The following CDC42 variants were observed in gnomAD, a reference collection of about 807,000 sequenced individuals.
The protein encoded by CDC42 is cell division cycle 42, also known as cell division control protein 42 homolog.
A neutral mutation model predicts 20.8 loss-of-function variants in CDC42; 1 was observed. That is an observed-to-expected ratio of 0.05 (90% CI 0.02 to 0.23). The LOEUF (loss-of-function observed/expected upper bound fraction) is 0.23. Among genes scored for constraint, CDC42 ranks in the 10% least tolerant of loss-of-function variants. The probability of loss-of-function intolerance (pLI) is 1.00; values close to 1 mark genes in which losing one functional copy is unlikely to be tolerated. For synonymous variants in CDC42, 72 were observed against 84.8 expected, an observed-to-expected ratio of 0.85 and a Z score of 0.83; for missense variants, 49 against 227.9, an observed-to-expected ratio of 0.21 and a Z score of 5.05.
chr1:22,063,797 T>C (rs1354062642), intron 1 of CDC42, among the ~76,000 whole-genome samples: 1 of 152,214 alleles, frequency 6.6e-6, no homozygotes, highest in Non-Finnish European at 1.5e-5. Flanking sequence ...CATGGCTCAC[T>C]GGAACCTTCG....
At chr1:22,070,549 C>T (rs917690134) in intron 1 of CDC42, among the ~76,000 whole-genome samples, 11 of 136,608 alleles carry the variant, frequency 8.1e-5, no homozygotes, top group Admixed American at 1.7e-4. Flanking sequence ...CTACAAGCTC[C>T]GCCTCCTAGG....
Position 22,081,741 on chromosome 1 carries a change from TCA to T in CDC42, c.128_129del (p.Thr43SerfsTer14). The T allele has an allele frequency of 6.2e-7, 1 of 1,611,714 alleles. No homozygotes were observed. ...TTTTAGGTTTTTGACAACTATGCAG[TCA>T]CAGTTATGATTGGTGGAGAACCATA... is the stretch of plus-strand genomic sequence containing the variant. On this transcript the variant is annotated frameshift_variant, in exon 3 of 6. Coordinates refer to ENST00000656825, the MANE Select transcript of CDC42 (RefSeq NM_001791.4). LOFTEE classifies it high-confidence loss of function.
chr1:22,088,211 A>G (rs937859257), intron 5 of CDC42, among the ~76,000 whole-genome samples: 1 of 152,198 alleles, frequency 6.6e-6, no homozygotes, highest in African/African-American at 2.4e-5. Flanking sequence ...GACAAGGGAA[A>G]GTCATGTGTG....
At chr1:22,069,613 CTTTTTTTTTTTTTT>C (rs56218067) in intron 1 of CDC42, among the ~76,000 whole-genome samples, 1 of 109,766 alleles carries the variant, frequency 9.1e-6, no homozygotes, top group Non-Finnish European at 1.8e-5. Context: ...CATGCCACCA[CTTTTTTTTTTTTTT>C]TTTTTTTTTT....
intron 3 of CDC42, 137 bp downstream of exon 3, chr1:22,081,931 G>T: frequency 1.6e-6 from 1 of 631,446 alleles, no homozygotes; most frequent in East Asian, 2.7e-5. Context: ...TGAATATAAT[G>T]ATTGTCGATG....
At chr1:22,076,693 T>C (rs913958403) in intron 1 of CDC42, among the ~76,000 whole-genome samples, 1 of 152,186 alleles carries the variant, frequency 6.6e-6, no homozygotes, top group Non-Finnish European at 1.5e-5. Context: ...CTTACTATTA[T>C]TATTTGAGTG....
chr1:22,094,292 AGATTTTT>A lies in CDC42; in HGVS notation c.*2776_*2782del, dbSNP rs1166632166. The stretch of plus-strand genomic sequence containing the variant: ...GTGTTTTACTGAACATCCTAGAAAT[AGATTTTT>A]TTTTTTTTTTTTTTTTGAGACGGAG... On this transcript the variant is annotated 3_prime_UTR_variant, in exon 6 of 6. Coordinates refer to ENST00000656825, the MANE Select transcript of CDC42 (RefSeq NM_001791.4). Among the ~76,000 whole-genome samples the A allele has an allele frequency of 3.5e-5, 1 of 28,604 alleles. No individual in the cohort carries two copies. The highest frequency in any genetic ancestry group is 6.3e-5 in the Non-Finnish European group (1 of 15,882). 18.8% of individuals were successfully genotyped at this position (28,604 alleles called of 152,430 possible).
chr1:22,055,794 T>G (rs994795611), intron 1 of CDC42, among the ~76,000 whole-genome samples: 4 of 152,078 alleles, frequency 2.6e-5, no homozygotes, highest in African/African-American at 9.7e-5. Context: ...CTGACAGGCT[T>G]TCTTGGAAGT....
chr1:22,056,114 A>G (rs919945414), intron 1 of CDC42, among the ~76,000 whole-genome samples: 3 of 152,214 alleles, frequency 2.0e-5, no homozygotes, highest in Non-Finnish European at 4.4e-5. Flanking sequence ...TGGTCACCCC[A>G]TTGCTAATGC....
At chr1:22,086,387 G>T in intron 3 of CDC42, 52 bp from the exon 4 acceptor site, 2 of 1,217,102 alleles carry the variant, frequency 1.6e-6, no homozygotes, top group South Asian at 2.7e-5. Flanking sequence ...AACACTTTGA[G>T]GACACCAAGA....
chr1:22,091,401 C>A, intron 5 of CDC42, 27 bp from the exon 6 acceptor site: 1 of 1,434,794 alleles, frequency 7.0e-7, no homozygotes, highest in Non-Finnish European at 9.8e-7. Flanking sequence ...ATCAGACCGC[C>A]CATTTTTTCT....
At chr1:22,053,570 G>A (rs1240967526) in intron 1 of CDC42, 1 of 152,176 alleles carries the variant, frequency 6.6e-6, no homozygotes, top group African/African-American at 2.4e-5. Flanking sequence ...TTATCGGGGG[G>A]GAATTTTCTT....
At chr1:22,084,282 A>G (rs965665014) in intron 3 of CDC42, among the ~76,000 whole-genome samples, 2 of 147,276 alleles carry the variant, frequency 1.4e-5, no homozygotes, top group Non-Finnish European at 3.0e-5. Context: ...ATTCCTACCA[A>G]CAGTACGTGG....
Position 22,094,294 on chromosome 1 carries a change from A to T in CDC42, c.*2777A>T, listed in dbSNP as rs1164700865. On this transcript the variant is annotated 3_prime_UTR_variant, in exon 6 of 6. Coordinates refer to ENST00000656825, the MANE Select transcript of CDC42 (RefSeq NM_001791.4). ...GTTTTACTGAACATCCTAGAAATAGATTTTTTTTTTTTTTTTTTTTTGAGA... is the reference window on the plus strand; with the variant it reads ...GTTTTACTGAACATCCTAGAAATAGTTTTTTTTTTTTTTTTTTTTTTGAGA... 1.3e-3 allele frequency among the ~76,000 whole-genome samples: 50 copies of T among 38,290 alleles called. No homozygotes were observed. The highest frequency in any genetic ancestry group is 3.1e-3 in the South Asian group (2 of 644). 25.1% of individuals were successfully genotyped at this position (38,290 alleles called of 152,430 possible).
At chr1:22,053,487 G>C (rs1286256969) in intron 1 of CDC42, 1 of 152,234 alleles carries the variant, frequency 6.6e-6, no homozygotes, top group African/African-American at 2.4e-5. Context: ...TGCCGGTTTA[G>C]CTGAAGCTTC....
At position 22,094,954 on chromosome 1, in the gene CDC42, T is replaced by C. The variant is rs376176674; in HGVS notation, c.*3437T>C. Reference sequence around the variant, plus strand: ...TTGTGAGGTAAATTAGTGGTTATTTTGGTGCTGGGTGCTAAGAAACTCGCA... The same window carrying C: ...TTGTGAGGTAAATTAGTGGTTATTTCGGTGCTGGGTGCTAAGAAACTCGCA... On this transcript the variant is annotated 3_prime_UTR_variant, in exon 6 of 6. Transcript: ENST00000656825. 6.6e-6 allele frequency among the ~76,000 whole-genome samples: 1 copy of C among 152,192 alleles called. No homozygotes were observed. Among genetic ancestry groups the C allele is most frequent in the African/African-American group, 2.4e-5 (1 of 41,448 alleles).
chr1:22,063,547 T>G (rs1645388646), intron 1 of CDC42, among the ~76,000 whole-genome samples: 1 of 152,188 alleles, frequency 6.6e-6, no homozygotes, highest in African/African-American at 2.4e-5. Flanking sequence ...TCCTAACTTG[T>G]GTCCTAATTA....
At chr1:22,064,123 T>G (rs45555232) in intron 1 of CDC42, 1 of 152,266 alleles carries the variant, frequency 6.6e-6, no homozygotes, top group Non-Finnish European at 1.5e-5. Context: ...ATCTCATTGT[T>G]TCTTGATAAA....
Position 22,091,500 on chromosome 1 carries a change from A to G in CDC42, c.559A>G (p.Arg187Gly), listed in dbSNP as rs1645714941. 1 of 1,612,676 alleles carries G rather than the reference A, an allele frequency of 6.2e-7. No individual in the cohort carries two copies. The highest frequency in any genetic ancestry group is 8.5e-7 in the Non-Finnish European group (1 of 1,178,790). Reference protein sequence around the residue: ...LEPPEPKKSRRCVLL With the variant: ...LEPPEPKKSRGCVLL ...GCCTCCAGAACCGAAGAAGAGCCGC[A>G]GGTGTGTGCTGCTATGAACATCTCT... The change falls in exon 6 of 6, where the codon AGG becomes GGG. Residue 187 changes from arginine (R) to glycine (G), a missense_variant. Transcript: ENST00000656825.
Sources: gnomAD v4.1 joint callset for allele counts (sites outside exome capture counted in the v4.1 genomes callset) on GRCh38, gnomAD v4.1.1 for gene constraint, MANE v1.5 for transcripts, NCBI Gene and HGNC (gene_info 2026-07-23, HGNC 2026-07-21) for gene names.